The following MAP2K2 variants were observed in gnomAD, a reference collection of about 807,000 sequenced individuals.
MAP2K2 encodes the protein dual specificity mitogen-activated protein kinase kinase 2.
Under a neutral mutation model 43.7 loss-of-function variants are expected in MAP2K2, and 24 were observed. The observed-to-expected ratio is 0.55, with a 90% CI of 0.40 to 0.77. The LOEUF (loss-of-function observed/expected upper bound fraction) is 0.77, where lower values mean the gene tolerates loss of function less well. Among genes scored for constraint, MAP2K2 ranks in the 30% least tolerant of loss-of-function variants. The pLI is 0.00. For missense variants in MAP2K2, 470 were observed against 566.8 expected, an observed-to-expected ratio of 0.83 and a Z score of 1.73; for synonymous variants, 244 against 239.7, an observed-to-expected ratio of 1.02 and a Z score of -0.17.
At chr19:4,096,432 C>T (rs920546572) in intron 8 of MAP2K2, among the ~76,000 whole-genome samples, 9 of 152,230 alleles carry the variant, frequency 5.9e-5, no homozygotes, top group Admixed American at 5.2e-4. Flanking sequence ...AGGGAGGTGG[C>T]CCGGCCTGGT....
intron 9 of MAP2K2, chr19:4,095,123 G>C: frequency 2.2e-6 from 1 of 455,984 alleles, no homozygotes; most frequent in South Asian, 2.7e-5. Context: ...TCCTGCTGCA[G>C]ACAGTGAGCT....
In MAP2K2 at chr19:4,117,501, C is replaced by T. The variant is rs2145080188; in HGVS notation, c.221G>A (p.Arg74Lys). ...VGELKDDDFE[R>K]ISELGAGNGG... ...GTTGCCCGCGCCCAGCTCTGAGATCCTTTCGAAGTCATCGTCTTTGAGTTC... is the reference window on the plus strand; with the variant it reads ...GTTGCCCGCGCCCAGCTCTGAGATCTTTTCGAAGTCATCGTCTTTGAGTTC... Residue 74 changes from arginine (R) to lysine (K), a missense_variant, in exon 2 of 11, where the codon AGG becomes AAG. By Grantham distance (26) the Arg-to-Lys change is conservative. Around this residue, in one of 3 missense-constraint regions of MAP2K2, gnomAD observed 200 missense variants for 297.9 expected, o/e 0.67. Coordinates refer to ENST00000262948, the MANE Select transcript of MAP2K2 (RefSeq NM_030662.4). 1 of 1,614,210 alleles carries T rather than the reference C, an allele frequency of 6.2e-7. No individual in the cohort carries two copies. Among genetic ancestry groups the T allele is most frequent in the Non-Finnish European group, 8.5e-7 (1 of 1,180,046 alleles).
intron 8 of MAP2K2, 74 bp downstream of exon 8, chr19:4,097,205 T>TTAAAAAAA: frequency 2.1e-6 from 1 of 480,448 alleles, no homozygotes; most frequent in African/African-American, 3.9e-5. Context: ...AGACTCTGCC[T>TTAAAAAAA]AAAAAAAAAA....
chr19:4,102,774 G>A (rs533478447), intron 3 of MAP2K2: 373 of 1,264,738 alleles, frequency 2.9e-4, no homozygotes, highest in African/African-American at 2.8e-3. Flanking sequence ...AGCCGCGGCC[G>A]GGGGCTCAGG....
chr19:4,121,436 C>T (rs553593376), intron 1 of MAP2K2, among the ~76,000 whole-genome samples: 50 of 151,586 alleles, frequency 3.3e-4, no homozygotes, highest in African/African-American at 1.1e-3. Context: ...CACTGGGCAC[C>T]GCCACAAGCA....
intron 7 of MAP2K2, 111 bp downstream of exon 7, chr19:4,099,090 G>A (rs1414594966): frequency 7.8e-6 from 7 of 898,870 alleles, no homozygotes; most frequent in Non-Finnish European, 1.2e-5. Context: ...ACCATCCAGG[G>A]GGACAGGTGG....
chr19:4,091,344 A>G (rs2040852576), intron 10 of MAP2K2, among the ~76,000 whole-genome samples: 1 of 152,010 alleles, frequency 6.6e-6, no homozygotes, highest in Non-Finnish European at 1.5e-5. Flanking sequence ...TTAATTAAAT[A>G]CTTTTACTTT....
At chr19:4,102,806 C>G in intron 3 of MAP2K2, 2 of 1,232,938 alleles carry the variant, frequency 1.6e-6, no homozygotes, top group Non-Finnish European at 2.1e-6. Flanking sequence ...CCCGCACTCC[C>G]TGCAGCCTAC....
chr19:4,113,736 G>C (rs1599303588), intron 2 of MAP2K2, among the ~76,000 whole-genome samples: 1 of 152,198 alleles, frequency 6.6e-6, no homozygotes, highest in Non-Finnish European at 1.5e-5. Flanking sequence ...GGTTGCTACA[G>C]AAGAATGAGG....
intron 3 of MAP2K2, among the ~76,000 whole-genome samples, chr19:4,104,002 G>T (rs1032617144): frequency 3.9e-5 from 6 of 152,172 alleles, no homozygotes; most frequent in African/African-American, 1.4e-4. Flanking sequence ...GGTGACTCAC[G>T]CCTGTAATGC....
At position 4,123,852 on chromosome 19, in the gene MAP2K2, C is replaced by G. The variant is rs2145089980; in HGVS notation, c.24G>C (p.Val8=). MLARRKP[V]LPALTINPTI... ...TAGGGTTGATGGTGAGCGCCGGCAG[C>G]ACCGGCTTCCTCCGGGCCAGCATCG... The change falls in exon 1 of 11, where the codon GTG becomes GTC. Residue 8 remains valine, a synonymous_variant. Coordinates refer to ENST00000262948, the MANE Select transcript of MAP2K2 (RefSeq NM_030662.4). The G allele has an allele frequency of 6.6e-7, 1 of 1,520,574 alleles. No individual in the cohort carries two copies. 94.2% of individuals were successfully genotyped at this position (1,520,574 alleles called of 1,614,324 possible).
intron 2 of MAP2K2, among the ~76,000 whole-genome samples, chr19:4,112,005 C>G (rs570299801): frequency 2.0e-5 from 3 of 151,138 alleles, no homozygotes; most frequent in Non-Finnish European, 4.4e-5. Context: ...ACAAAAACAC[C>G]ACGGGCAACC....
intron 7 of MAP2K2, among the ~76,000 whole-genome samples, chr19:4,098,009 G>A (rs2040945566): frequency 6.6e-6 from 1 of 152,228 alleles, no homozygotes; most frequent in Non-Finnish European, 1.5e-5. Context: ...CTGGAGAGGA[G>A]GAGGTGGGCT....
At chr19:4,114,248 G>A (rs745716147) in intron 2 of MAP2K2, among the ~76,000 whole-genome samples, 56 of 152,308 alleles carry the variant, frequency 3.7e-4, no homozygotes, top group Non-Finnish European at 6.6e-4. Context: ...AAGAGGGTTC[G>A]AATCCGATTC....
intron 3 of MAP2K2, among the ~76,000 whole-genome samples, chr19:4,105,523 C>T (rs374106318): frequency 3.9e-5 from 6 of 152,080 alleles, no homozygotes; most frequent in African/African-American, 1.2e-4. Flanking sequence ...CCGCCCGCCT[C>T]GGCCTCCCAA....
intron 10 of MAP2K2, among the ~76,000 whole-genome samples, chr19:4,091,781 T>C (rs10421690): frequency 0.023 from 3,473 of 152,288 alleles, 125 homozygotes; most frequent in African/African-American, 0.08. Flanking sequence ...CCCAAGTAGC[T>C]GGGATTACAG....
intron 4 of MAP2K2, 128 bp downstream of exon 4, chr19:4,102,248 C>T (rs1263330219): frequency 8.7e-6 from 7 of 808,160 alleles, no homozygotes; most frequent in East Asian, 2.7e-5. Context: ...ACAGCCTTGG[C>T]CACTCTCTTT....
chr19:4,119,122 A>G (rs1481431195), intron 1 of MAP2K2, among the ~76,000 whole-genome samples: 2 of 151,910 alleles, frequency 1.3e-5, no homozygotes, highest in African/African-American at 2.4e-5. Flanking sequence ...GCAGCCTCCA[A>G]CTCCTGTCCT....
chr19:4,099,078 G>T, intron 7 of MAP2K2, 123 bp downstream of exon 7: 1 of 827,782 alleles, frequency 1.2e-6, no homozygotes, highest in Non-Finnish European at 1.9e-6. Context: ...ACCACAGTCG[G>T]CACCATCCAG....
Sources: gnomAD v4.1 joint callset for allele counts (sites outside exome capture counted in the v4.1 genomes callset) on GRCh38, gnomAD v4.1.1 for gene constraint, gnomAD v4.1.1 regional missense constraint, MANE v1.5 for transcripts, NCBI Gene and HGNC (gene_info 2026-07-23, HGNC 2026-07-21) for gene names.